The following LRP1 variants were observed in gnomAD, a reference collection of about 807,000 sequenced individuals.
LRP1 encodes LDL receptor related protein 1, also known as prolow-density lipoprotein receptor-related protein 1.
Under a neutral mutation model 541.5 loss-of-function variants are expected in LRP1, and 51 were observed. The ratio of observed to expected loss-of-function variants is 0.09; its 90% CI spans 0.08 to 0.12. The LOEUF (loss-of-function observed/expected upper bound fraction) is 0.12. Among genes scored for constraint, LRP1 ranks in the 10% least tolerant of loss-of-function variants. The pLI is 1.00. For synonymous variants in LRP1, 2,219 were observed against 2,470.8 expected (o/e 0.90, Z 3.02); for missense variants, 3,878 against 6,376.2 (o/e 0.61, Z 13.34).
intron 1 of LRP1, among the ~76,000 whole-genome samples, chr12:57,134,415 C>T (rs1227068967): frequency 3.9e-5 from 6 of 152,160 alleles, no homozygotes; most frequent in African/African-American, 9.7e-5. Context: ...AGAACGACAG[C>T]GTTCTCCCTG....
intron 63 of LRP1, 74 bp downstream of exon 63, chr12:57,200,609 C>T: frequency 1.3e-6 from 2 of 1,547,392 alleles, no homozygotes; most frequent in Non-Finnish European, 1.8e-6. Context: ...TTTGAATGGC[C>T]ACTGGAGAGG....
At chr12:57,191,235 CAG>C in intron 43 of LRP1, 83 bp from the exon 44 acceptor site, 1 of 1,370,984 alleles carries the variant, frequency 7.3e-7, no homozygotes, top group Non-Finnish European at 1.0e-6. Context: ...CTGTAGCTGT[CAG>C]AGGCCAGGCC....
Position 57,178,869 on chromosome 12 carries a change from T to C in LRP1, c.4607-21T>C. The C allele has an allele frequency of 6.2e-7, 1 of 1,601,084 alleles. No homozygotes were observed. Among genetic ancestry groups the C allele is most frequent in the South Asian group, 1.1e-5 (1 of 89,372 alleles). On this transcript the variant is annotated intron_variant, in intron 27 of 88. Transcript: ENST00000243077. The surrounding 1 kb of genome is among the most constrained non-coding windows in gnomAD (Gnocchi z 5.8). ...AGTCACAGGATGCTCTGGCTTCTTC[T>C]CTTCTCCACCCTGCCCCCAGCTCCC... is the stretch of plus-strand genomic sequence containing the variant.
At chr12:57,167,828 A>G (rs1451109206) in intron 19 of LRP1, among the ~76,000 whole-genome samples, 1 of 152,226 alleles carries the variant, frequency 6.6e-6, no homozygotes, top group Non-Finnish European at 1.5e-5. Flanking sequence ...GAGGCAGAGC[A>G]AGGAGAAACC....
chr12:57,184,011 G>C lies in LRP1; in HGVS notation c.5930-74G>C. 6.2e-7 allele frequency: 1 copy of C among 1,601,100 alleles called. No individual in the cohort carries two copies. The highest frequency in any genetic ancestry group is 8.5e-7 in the Non-Finnish European group (1 of 1,172,274). On this transcript the variant is annotated intron_variant, in intron 36 of 88. Coordinates refer to ENST00000243077, the MANE Select transcript of LRP1 (RefSeq NM_002332.3). This position sits in a 1 kb window ranked among gnomAD's most constrained non-coding sequence, Gnocchi z 7.8. ...GAGCAGGAAGAGGAGCTGTAGGGGT[G>C]CCTGGGAGCTTGGAGACACCAGGTC... is the stretch of plus-strand genomic sequence containing the variant.
At position 57,198,488 on chromosome 12, in the gene LRP1, G is replaced by A; in HGVS notation, c.9494G>A (p.Gly3165Asp). 6.2e-7 allele frequency: 1 copy of A among 1,614,114 alleles called. No individual in the cohort carries two copies. Among genetic ancestry groups the A allele is most frequent in the Non-Finnish European group, 8.5e-7 (1 of 1,180,046 alleles). The part of the protein sequence containing the change: ...QNGYLYWTDW[G>D]DHSLIGRIGM... ...AGGTACCTGTACTGGACAGACTGGG[G>A]TGACCATTCACTGATCGGCCGCATC... Residue 3165 changes from glycine to aspartate, a missense_variant, in exon 60 of 89, where the codon GGT becomes GAT. By Grantham distance (94) the Gly-to-Asp change is moderately conservative. Coordinates refer to ENST00000243077, the MANE Select transcript of LRP1 (RefSeq NM_002332.3).
In LRP1 at chr12:57,158,449, A is replaced by C; in HGVS notation, c.1609A>C (p.Ile537Leu). 6.2e-7 allele frequency: 1 copy of C among 1,613,908 alleles called. No homozygotes were observed. The highest frequency in any genetic ancestry group is 8.5e-7 in the Non-Finnish European group (1 of 1,179,796). The part of the protein sequence containing the change: ...FLVYGKGRPG[I>L]IRGMDMGAKV... ...CGTGTATGGCAAGGGCCGGCCAGGC[A>C]TCATCCGGGGCATGGATATGGGGGC... The change falls in exon 11 of 89, where the codon ATC becomes CTC. Residue 537 changes from isoleucine (I) to leucine (L), a missense_variant. By Grantham distance (5) the Ile-to-Leu change is conservative. This residue lies in a region of LRP1 where 496 missense variants were observed against 861.0 expected (regional missense o/e 0.58). Transcript: ENST00000243077. This position sits in a 1 kb window ranked among gnomAD's most constrained non-coding sequence, Gnocchi z 5.3.
chr12:57,131,461 C>T (rs2035038084), intron 1 of LRP1, among the ~76,000 whole-genome samples: 1 of 152,138 alleles, frequency 6.6e-6, no homozygotes, highest in Non-Finnish European at 1.5e-5. Context: ...CTGACTTCCT[C>T]CCTCCCTTTT....
rs532661685 is a variant in LRP1 at position 57,165,805 on chromosome 12, C to T, written c.2531C>T (p.Ala844Val). Residue 844 changes from alanine (A) to valine (V), a missense_variant and splice_region_variant, in exon 16 of 89, where the codon GCG (alanine) becomes GTG (valine). Around this residue, in one of 13 missense-constraint regions of LRP1, gnomAD observed 496 missense variants for 861.0 expected, o/e 0.58. Transcript: ENST00000243077. This position sits in a 1 kb window ranked among gnomAD's most constrained non-coding sequence, Gnocchi z 4.5. ...CCTCACGATCCTGTGGTGCCCACAG[C>T]GAACCCATCCTACGTGCCTCCACCC... Reference protein sequence around the residue: ...VLDADGVTCLANPSYVPPPQC... With the variant: ...VLDADGVTCLVNPSYVPPPQC... The T allele has an allele frequency of 9.3e-6, 15 of 1,613,860 alleles. No homozygotes were observed. Among genetic ancestry groups the T allele is most frequent in the East Asian group, 4.5e-5 (2 of 44,868 alleles).
intron 77 of LRP1, chr12:57,208,424 C>G (rs2036833952): frequency 1.6e-6 from 1 of 623,398 alleles, no homozygotes; most frequent in African/African-American, 1.8e-5. Flanking sequence ...CCTGCTTGGG[C>G]AGGGATCTGA....
In LRP1 at chr12:57,129,385, C is replaced by G. The variant is rs1318899641; in HGVS notation, c.67+354C>G. Among the ~76,000 whole-genome samples the G allele has an allele frequency of 2.0e-5, 3 of 152,136 alleles. No homozygotes were observed. The South Asian group carries it at 6.2e-4, about 31-fold the overall frequency. On this transcript the variant is annotated intron_variant, in intron 1 of 88. Transcript: ENST00000243077. Reference sequence around the variant, plus strand: ...ATCCTCACAACCCCCCACCCCCCATCTGAATTGTGAAGGAATCCGGATTTG... The same window carrying G: ...ATCCTCACAACCCCCCACCCCCCATGTGAATTGTGAAGGAATCCGGATTTG...
rs1181054337 is a variant in LRP1 at position 57,158,379 on chromosome 12, A to C, written c.1562-23A>C. 1 of 1,575,482 alleles carries C rather than the reference A, an allele frequency of 6.3e-7. No individual in the cohort carries two copies. Among genetic ancestry groups the C allele is most frequent in the African/African-American group, 1.3e-5 (1 of 74,290 alleles). On this transcript the variant is annotated intron_variant, in intron 10 of 88. Coordinates refer to ENST00000243077, the MANE Select transcript of LRP1 (RefSeq NM_002332.3). The surrounding 1 kb of genome is among the most constrained non-coding windows in gnomAD (Gnocchi z 5.3). Reference sequence around the variant, plus strand: ...GATGGTCATGTGTGTGTCTGACTGTACCCTGGCTTGTGCCTGCTCTAGAGC... The same window carrying C: ...GATGGTCATGTGTGTGTCTGACTGTCCCCTGGCTTGTGCCTGCTCTAGAGC...
At position 57,135,093 on chromosome 12, in the gene LRP1, A is replaced by T. The variant is rs145923782; in HGVS notation, c.68-3366A>T. Among the ~76,000 whole-genome samples the T allele has an allele frequency of 5.1e-3, 773 of 152,142 alleles. 19 individuals are homozygous for T. Among genetic ancestry groups the T allele is most frequent in the East Asian group, 0.038 (195 of 5,170 alleles). On this transcript the variant is annotated intron_variant, in intron 1 of 88. Coordinates refer to ENST00000243077, the MANE Select transcript of LRP1 (RefSeq NM_002332.3). ...AGTCACCCTGTGCCTCAGCTCCCCC[A>T]TGTGTGAGAGGGGGGCCGCAAGGGC...
At chr12:57,169,513 A>G (rs368614434) in intron 20 of LRP1, among the ~76,000 whole-genome samples, 1 of 152,140 alleles carries the variant, frequency 6.6e-6, no homozygotes, top group African/African-American at 2.4e-5. Context: ...CGCTGTTAAT[A>G]TCATGCGCTT....
rs34010163 is a variant in LRP1, at chr12:57,177,947, CTTTTT to C, written c.4361+371_4361+375del. On this transcript the variant is annotated intron_variant, in intron 26 of 88. Transcript: ENST00000243077. This position sits in a 1 kb window ranked among gnomAD's most constrained non-coding sequence, Gnocchi z 6.8. Reference sequence around the variant, plus strand: ...CCCAGGGAGGGTGCCTTTTTCTTTTCTTTTTTTTTTTTTTTTTTTGAGACAGAGTC... The same window carrying C: ...CCCAGGGAGGGTGCCTTTTTCTTTTCTTTTTTTTTTTTTTGAGACAGAGTC... Among the ~76,000 whole-genome samples the C allele has an allele frequency of 1.6e-5, 2 of 121,368 alleles. No individual in the cohort carries two copies. Among genetic ancestry groups the C allele is most frequent in the Admixed American group, 8.2e-5 (1 of 12,138 alleles). The allele number at this position is 121,368 out of a possible 152,430, so 79.6% of individuals were successfully genotyped here. A position where few individuals can be genotyped will look rare whatever the true frequency, so the allele number is the denominator to read the frequency against.
Sources: allele counts gnomAD v4.1 joint callset (sites outside exome capture counted in the v4.1 genomes callset), GRCh38; gene constraint gnomAD v4.1.1; regional missense constraint gnomAD v4.1.1; non-coding constraint Gnocchi (gnomAD v3.1); transcripts MANE v1.5; gene names NCBI Gene and HGNC (gene_info 2026-07-23, HGNC 2026-07-21).